The following TENM3 variants were observed in gnomAD, a reference collection of about 807,000 sequenced individuals.
The protein encoded by TENM3 is teneurin-3.
TENM3 carries 63 observed loss-of-function variants against 255.1 expected under a neutral mutation model. The observed-to-expected ratio is 0.25, with a 90% CI of 0.20 to 0.30. The LOEUF is 0.30. TENM3 is among the 10% of genes least tolerant of loss of function. The probability of loss-of-function intolerance (pLI) is 1.00; values close to 1 mark genes in which losing one functional copy is unlikely to be tolerated. For missense variants in TENM3, 2,929 were observed against 3,461.1 expected (o/e 0.85, Z 3.86); for synonymous variants, 1,306 against 1,322.3 (o/e 0.99, Z 0.27).
the TENM3 span, among the ~76,000 whole-genome samples, chr4:181,618,683 A>G: frequency 2.6e-5 from 4 of 152,224 alleles, no homozygotes; most frequent in African/African-American, 9.6e-5. Flanking sequence ...GGATTTCCTC[A>G]TCTGGAGCGT....
At chr4:182,363,373 G>A (rs916560839) in intron 3 of TENM3, among the ~76,000 whole-genome samples, 3 of 151,714 alleles carry the variant, frequency 2.0e-5, no homozygotes, top group African/African-American at 4.8e-5. Flanking sequence ...ATTGATATAT[G>A]TGTGTATATA....
At chr4:181,899,654 G>A in the TENM3 span, among the ~76,000 whole-genome samples, 1 of 151,936 alleles carries the variant, frequency 6.6e-6, no homozygotes, top group African/African-American at 2.4e-5. Flanking sequence ...TGAAACCTCT[G>A]CCTCCCGGGT....
rs116723818 is a variant in TENM3, at chr4:182,432,323, C to A, written c.511+85394C>A. On this transcript the variant is annotated intron_variant, in intron 3 of 27. Transcript: ENST00000511685. ...TGTTGGACATCAACCTAAATTTGCA[C>A]CCATTTTGATATATTTTTGTTATAA... is the stretch of plus-strand genomic sequence containing the variant. Among the ~76,000 whole-genome samples the A allele has an allele frequency of 1.7e-3, 261 of 152,178 alleles. 1 individual carries two copies. Among genetic ancestry groups the A allele is most frequent in the African/African-American group, 6.0e-3 (251 of 41,530 alleles).
chr4:182,605,472 A>G (rs1336349241), intron 4 of TENM3, among the ~76,000 whole-genome samples: 2 of 136,090 alleles, frequency 1.5e-5, no homozygotes, highest in Non-Finnish European at 3.1e-5. Flanking sequence ...AAGTTTCACC[A>G]TCATCATTTA....
chr4:181,519,778 T>C, the TENM3 span, among the ~76,000 whole-genome samples: 1 of 152,178 alleles, frequency 6.6e-6, no homozygotes, highest in African/African-American at 2.4e-5. Flanking sequence ...GGTGGAGGAA[T>C]GTTAGCTGTT....
the TENM3 span, among the ~76,000 whole-genome samples, chr4:181,847,365 T>C: frequency 6.6e-6 from 1 of 152,190 alleles, no homozygotes; most frequent in Non-Finnish European, 1.5e-5. Context: ...CATAATCATA[T>C]TAAAGGTAAA....
the TENM3 span, among the ~76,000 whole-genome samples, chr4:181,688,718 C>G: frequency 2.8e-4 from 43 of 152,288 alleles, no homozygotes; most frequent in African/African-American, 9.6e-4. Flanking sequence ...CACAGAGTAT[C>G]TGTGTATGTC....
At chr4:182,431,011 CTAAATAAA>C (rs60841901) in intron 3 of TENM3, among the ~76,000 whole-genome samples, 12 of 148,194 alleles carry the variant, frequency 8.1e-5, no homozygotes, top group Non-Finnish European at 1.2e-4. Context: ...GACTCCATCT[CTAAATAAA>C]TAAATAAATA....
intron 3 of TENM3, among the ~76,000 whole-genome samples, chr4:182,471,406 G>A (rs1733110029): frequency 6.6e-6 from 1 of 152,176 alleles, no homozygotes; most frequent in Non-Finnish European, 1.5e-5. Context: ...AGATGGTATA[G>A]CCTACTGCAT....
chr4:181,786,517 G>A, the TENM3 span, among the ~76,000 whole-genome samples: 8 of 152,032 alleles, frequency 5.3e-5, no homozygotes, highest in Admixed American at 3.3e-4. Context: ...GGGTGGAGCC[G>A]CACAGAAACC....
chr4:182,162,250 A>T (rs992671266), intron 1 of TENM3, among the ~76,000 whole-genome samples: 5 of 152,080 alleles, frequency 3.3e-5, no homozygotes, highest in African/African-American at 1.2e-4. Flanking sequence ...GGCTCCAGTG[A>T]AAATAAGTCC....
chr4:181,658,678 T>G, the TENM3 span, among the ~76,000 whole-genome samples: 1 of 152,250 alleles, frequency 6.6e-6, no homozygotes, highest in Non-Finnish European at 1.5e-5. Context: ...ATGCTTACCA[T>G]GTGCCAGGCA....
the TENM3 span, among the ~76,000 whole-genome samples, chr4:181,961,690 A>T: frequency 6.6e-6 from 1 of 152,204 alleles, no homozygotes; most frequent in African/African-American, 2.4e-5. Flanking sequence ...AGATAAAAAA[A>T]TATAGTTTTA....
the TENM3 span, among the ~76,000 whole-genome samples, chr4:182,132,145 T>C: frequency 1.3e-5 from 2 of 152,192 alleles, no homozygotes; most frequent in Non-Finnish European, 2.9e-5. Flanking sequence ...GTGCTGAGGT[T>C]TGCAGTAATG....
chr4:182,250,069 T>C (rs946268413), intron 1 of TENM3, among the ~76,000 whole-genome samples: 2 of 150,632 alleles, frequency 1.3e-5, no homozygotes, highest in African/African-American at 4.9e-5. Context: ...TTTTTTTTTT[T>C]TGAGACGGAG....
At chr4:182,643,296 G>A (rs999229077) in intron 5 of TENM3, among the ~76,000 whole-genome samples, 1 of 152,026 alleles carries the variant, frequency 6.6e-6, no homozygotes, top group Admixed American at 6.6e-5. Flanking sequence ...TGCATTCAAA[G>A]CCCAAGATAT....
chr4:181,677,494 A>T, the TENM3 span, among the ~76,000 whole-genome samples: 14 of 152,244 alleles, frequency 9.2e-5, no homozygotes, highest in Non-Finnish European at 1.2e-4. Context: ...CTTTTAATGT[A>T]TCCACTTATC....
intron 24 of TENM3, among the ~76,000 whole-genome samples, chr4:182,785,713 A>T (rs917142077): frequency 2.0e-4 from 11 of 55,092 alleles, no homozygotes; most frequent in African/African-American, 9.1e-4. Flanking sequence ...GTCTCAAGAT[A>T]AAAAAAAAAA....
the TENM3 span, among the ~76,000 whole-genome samples, chr4:182,084,502 T>G: frequency 6.6e-6 from 1 of 152,214 alleles, no homozygotes; most frequent in Non-Finnish European, 1.5e-5. Context: ...TTTCTCAAGT[T>G]GGTTTTTCAC....
Sources: gnomAD v4.1 joint callset for allele counts (sites outside exome capture counted in the v4.1 genomes callset) on GRCh38, gnomAD v4.1.1 for gene constraint, MANE v1.5 for transcripts, NCBI Gene and HGNC (gene_info 2026-07-23, HGNC 2026-07-21) for gene names.